RERG: variants seen among roughly 807,000 people sequenced by gnomAD.
RERG encodes ras-related and estrogen-regulated growth inhibitor.
A neutral mutation model predicts 23.2 loss-of-function variants in RERG; 25 were observed. The observed-to-expected ratio is 1.08, with a 90% confidence interval of 0.79 to 1.50. The LOEUF (loss-of-function observed/expected upper bound fraction) is 1.50, where lower values mean the gene tolerates loss of function less well. RERG is among the 40% of genes most tolerant of loss of function. The pLI, the probability that RERG is intolerant of heterozygous loss-of-function variation, is 0.00. For missense variants in RERG, 253 were observed against 250.1 expected (o/e 1.01, Z -0.08); for synonymous variants, 81 against 89.1 (o/e 0.91, Z 0.51).
chr12:15,181,531 A>G (rs1273307875), intron 2 of RERG, among the ~76,000 whole-genome samples: 1 of 152,178 alleles, frequency 6.6e-6, no homozygotes, highest in Non-Finnish European at 1.5e-5. Flanking sequence ...TAGTTACATA[A>G]CCTTGGATAT....
intron 2 of RERG, among the ~76,000 whole-genome samples, chr12:15,139,014 CT>C (rs34755371): frequency 0.011 from 545 of 51,076 alleles, 1 homozygote; most frequent in Non-Finnish European, 0.016. Context: ...TGTGTCTAGA[CT>C]TTTTTTTTTT....
chr12:15,122,676 G>A (rs901868767), intron 2 of RERG, among the ~76,000 whole-genome samples: 1 of 152,100 alleles, frequency 6.6e-6, no homozygotes, highest in African/African-American at 2.4e-5. Flanking sequence ...TTTACATACA[G>A]GAAGCAGTAA....
At chr12:15,219,202 C>T (rs1865483298) in intron 1 of RERG, among the ~76,000 whole-genome samples, 1 of 152,152 alleles carries the variant, frequency 6.6e-6, no homozygotes, top group Admixed American at 6.5e-5. Flanking sequence ...GTTAAATGTT[C>T]CTGCCAGATT....
chr12:15,154,738 A>G (rs931691178), intron 2 of RERG, among the ~76,000 whole-genome samples: 1 of 152,236 alleles, frequency 6.6e-6, no homozygotes, highest in Non-Finnish European at 1.5e-5. Flanking sequence ...TCACTCGGCA[A>G]TCATATTCAT....
intron 2 of RERG, among the ~76,000 whole-genome samples, chr12:15,138,693 C>T (rs1016544278): frequency 1.3e-5 from 2 of 151,776 alleles, no homozygotes; most frequent in Non-Finnish European, 2.9e-5. Context: ...TCTTTGTATA[C>T]TTGGGATGTA....
chr12:15,153,074 T>C (rs1416740504), intron 2 of RERG, among the ~76,000 whole-genome samples: 1 of 152,150 alleles, frequency 6.6e-6, no homozygotes, highest in Non-Finnish European at 1.5e-5. Context: ...TATTTACACT[T>C]AGCAGAGAGA....
At chr12:15,149,726 C>G (rs1225972547) in intron 2 of RERG, among the ~76,000 whole-genome samples, 1 of 152,158 alleles carries the variant, frequency 6.6e-6, no homozygotes, top group Non-Finnish European at 1.5e-5. Context: ...CCTATTTGTA[C>G]TAAATAGCCA....
chr12:15,200,766 T>G (rs1273263165), intron 2 of RERG, among the ~76,000 whole-genome samples: 1 of 151,998 alleles, frequency 6.6e-6, no homozygotes, highest in African/African-American at 2.4e-5. Context: ...GACTATATAT[T>G]TTCCTTAATG....
intron 2 of RERG, among the ~76,000 whole-genome samples, chr12:15,204,216 C>T (rs528565476): frequency 6.6e-6 from 1 of 151,810 alleles, no homozygotes; most frequent in African/African-American, 2.4e-5. Context: ...GGCATAAAAA[C>T]AGGCACATAG....
intron 2 of RERG, among the ~76,000 whole-genome samples, chr12:15,188,492 C>T (rs1054555885): frequency 2.6e-5 from 4 of 152,098 alleles, no homozygotes; most frequent in African/African-American, 7.2e-5. Context: ...AGTACATCAA[C>T]AAAAAGTGAT....
intron 2 of RERG, among the ~76,000 whole-genome samples, chr12:15,124,703 T>C (rs1863904675): frequency 6.6e-6 from 1 of 152,030 alleles, no homozygotes; most frequent in Non-Finnish European, 1.5e-5. Context: ...CATACAACAA[T>C]AAGTATTTAT....
intron 4 of RERG, among the ~76,000 whole-genome samples, chr12:15,109,832 A>C (rs1347550837): frequency 1.3e-5 from 2 of 152,222 alleles, no homozygotes; most frequent in Non-Finnish European, 2.9e-5. Flanking sequence ...AGTTGAGCAC[A>C]TCACTTTTGA....
rs547555418 is a variant in RERG at position 15,199,161 on chromosome 12, A to G, written c.61+18268T>C. 5.9e-5 allele frequency among the ~76,000 whole-genome samples: 9 copies of G among 152,254 alleles called. No homozygotes were observed. The South Asian group carries it at 1.9e-3, about 32-fold the overall frequency. ...GTGTCTACTCAAAGTCCAAAATCTC[A>G]TCAGCTCAAAAATCCTATATCTCAT... is the stretch of plus-strand genomic sequence containing the variant. On this transcript the variant is annotated intron_variant, in intron 2 of 4. Coordinates refer to ENST00000256953, the MANE Select transcript of RERG (RefSeq NM_032918.3).
At chr12:15,195,600 TGC>T (rs1328187220) in intron 2 of RERG, among the ~76,000 whole-genome samples, 13 of 144,644 alleles carry the variant, frequency 9.0e-5, no homozygotes, top group South Asian at 2.2e-4. Flanking sequence ...TGTGTGTGTG[TGC>T]ATGTGTGTGT....
At position 15,109,158 on chromosome 12, in the gene RERG, C is replaced by T. The variant is rs1479750918; in HGVS notation, c.552G>A (p.Thr184=). The change falls in exon 5 of 5, where the codon ACG becomes ACA. Residue 184 remains threonine, a synonymous_variant. Coordinates refer to ENST00000256953, the MANE Select transcript of RERG (RefSeq NM_032918.3). ...QGKTRRRSST[T]HVKQAINKML... The stretch of plus-strand genomic sequence containing the variant: ...TCTTGTTAATGGCTTGCTTGACATG[C>T]GTGGTGGAGCTGCGTCGCCTCGTCT... 1.9e-6 allele frequency: 3 copies of T among 1,606,072 alleles called. No homozygotes were observed. Among genetic ancestry groups the T allele is most frequent in the Non-Finnish European group, 2.5e-6 (3 of 1,176,692 alleles).
At chr12:15,195,476 A>G (rs1273662940) in intron 2 of RERG, among the ~76,000 whole-genome samples, 1 of 151,674 alleles carries the variant, frequency 6.6e-6, no homozygotes, top group Admixed American at 6.6e-5. Context: ...CTATTCCACA[A>G]AAGATTATGT....
intron 2 of RERG, among the ~76,000 whole-genome samples, chr12:15,202,525 A>T (rs968985631): frequency 6.6e-6 from 1 of 151,762 alleles, no homozygotes; most frequent in African/African-American, 2.4e-5. Flanking sequence ...TATTTGCCTT[A>T]TATAAGAGGA....
chr12:15,167,075 C>A (rs1376612859), intron 2 of RERG, among the ~76,000 whole-genome samples: 3 of 152,076 alleles, frequency 2.0e-5, no homozygotes, highest in African/African-American at 7.2e-5. Flanking sequence ...CATAGGCAAG[C>A]CTTGGTGCAG....
intron 2 of RERG, among the ~76,000 whole-genome samples, chr12:15,123,833 A>C (rs1171947192): frequency 1.3e-5 from 2 of 152,008 alleles, no homozygotes; most frequent in African/African-American, 4.8e-5. Context: ...AGAAGTTTTA[A>C]GGTTTGACAT....
Sources: allele counts gnomAD v4.1 joint callset (sites outside exome capture counted in the v4.1 genomes callset), GRCh38; gene constraint gnomAD v4.1.1; transcripts MANE v1.5; gene names NCBI Gene and HGNC (gene_info 2026-07-23, HGNC 2026-07-21).